Variants in NKAIN2 observed in about 807,000 individuals in gnomAD.
NKAIN2 encodes the protein sodium/potassium-transporting ATPase subunit beta-1-interacting protein 2.
Under a neutral mutation model 32.6 loss-of-function variants are expected in NKAIN2, and 14 were observed. The observed-to-expected ratio is 0.43, with a 90% CI of 0.28 to 0.67. The LOEUF (loss-of-function observed/expected upper bound fraction) is 0.67, where lower values mean the gene tolerates loss of function less well. Among genes scored for constraint, NKAIN2 ranks in the 30% least tolerant of loss-of-function variants. The probability of loss-of-function intolerance (pLI) is 0.17; values close to 1 mark genes in which losing one functional copy is unlikely to be tolerated. For missense variants in NKAIN2, 198 were observed against 258.3 expected (o/e 0.77, Z 1.60); for synonymous variants, 80 against 87.2 (o/e 0.92, Z 0.46).
intron 4 of NKAIN2, among the ~76,000 whole-genome samples, chr6:124,735,045 T>G (rs1776869178): frequency 6.6e-6 from 1 of 151,938 alleles, no homozygotes; most frequent in South Asian, 2.1e-4. Flanking sequence ...ACACTCACTG[T>G]TTTTTGATTT....
At chr6:124,482,873 G>A (rs912597599) in intron 3 of NKAIN2, among the ~76,000 whole-genome samples, 11 of 152,296 alleles carry the variant, frequency 7.2e-5, no homozygotes, top group African/African-American at 1.2e-4. Context: ...GGTGGCTCAC[G>A]CCTGTAATCC....
intron 1 of NKAIN2, among the ~76,000 whole-genome samples, chr6:123,840,686 T>C (rs1774832921): frequency 6.6e-6 from 1 of 152,070 alleles, no homozygotes; most frequent in African/African-American, 2.4e-5. Flanking sequence ...CTTAGAAAAA[T>C]GAAAATGCAT....
At chr6:124,168,138 G>A (rs1788665816) in intron 1 of NKAIN2, among the ~76,000 whole-genome samples, 1 of 152,010 alleles carries the variant, frequency 6.6e-6, no homozygotes, top group Non-Finnish European at 1.5e-5. Flanking sequence ...TTGCAAATTG[G>A]ACATTTAATT....
At position 124,033,122 on chromosome 6, in the gene NKAIN2, G is replaced by A. The variant is rs374890273; in HGVS notation, c.54+228868G>A. Among the ~76,000 whole-genome samples the A allele has an allele frequency of 4.1e-3, 629 of 152,048 alleles. 2 individuals carry two copies. The highest frequency in any genetic ancestry group is 0.015 in the African/African-American group (609 of 41,510). On this transcript the variant is annotated intron_variant, in intron 1 of 6. Transcript: ENST00000368417. ...TAGCCAAAATGTAGAGAAAAGAGAG[G>A]CAAATGATTCACAATATAAAAAGTT...
At chr6:124,225,709 A>T (rs980956048) in intron 1 of NKAIN2, among the ~76,000 whole-genome samples, 3 of 152,062 alleles carry the variant, frequency 2.0e-5, no homozygotes, top group African/African-American at 7.2e-5. Flanking sequence ...ATTTTCAAAT[A>T]TGTATAATAT....
chr6:124,415,517 C>T (rs1774424550), intron 3 of NKAIN2, among the ~76,000 whole-genome samples: 1 of 152,184 alleles, frequency 6.6e-6, no homozygotes, highest in Non-Finnish European at 1.5e-5. Context: ...TGAATCCTGT[C>T]CTTCTGTGTT....
chr6:124,283,972 C>T (rs866171458), intron 2 of NKAIN2, among the ~76,000 whole-genome samples: 1 of 152,114 alleles, frequency 6.6e-6, no homozygotes, highest in African/African-American at 2.4e-5. Flanking sequence ...AACCAGCAGC[C>T]CTTCTCATGT....
rs996514369 is a variant in NKAIN2, at chr6:124,709,851, G to A, written c.474+51465G>A. Reference sequence around the variant, plus strand: ...TTCCTTCAGTTCTGCTCTGATTTTAGTTATTTCTTGCCTTCTGCTAGCTTT... The same window carrying A: ...TTCCTTCAGTTCTGCTCTGATTTTAATTATTTCTTGCCTTCTGCTAGCTTT... On this transcript the variant is annotated intron_variant, in intron 4 of 6. Transcript: ENST00000368417. Among the ~76,000 whole-genome samples, 9 of 151,452 alleles carry A rather than the reference G, an allele frequency of 5.9e-5. No individual in the cohort carries two copies. In the East Asian group the frequency reaches 1.4e-3, roughly 23 times the overall value.
chr6:124,128,344 A>G (rs1258144048), intron 1 of NKAIN2, among the ~76,000 whole-genome samples: 2 of 152,214 alleles, frequency 1.3e-5, no homozygotes, highest in Admixed American at 1.3e-4. Flanking sequence ...TCCAACTGAG[A>G]AGCGAAGCAT....
chr6:123,925,586 A>G (rs994938769), intron 1 of NKAIN2, among the ~76,000 whole-genome samples: 12 of 152,258 alleles, frequency 7.9e-5, no homozygotes, highest in Middle Eastern at 3.4e-3. Context: ...TCTGTAATTT[A>G]AAAAAACAGT....
rs530214320 is a variant in NKAIN2 at position 124,192,906 on chromosome 6, C to T, written c.55-90099C>T. On this transcript the variant is annotated intron_variant, in intron 1 of 6. Coordinates refer to ENST00000368417, the MANE Select transcript of NKAIN2 (RefSeq NM_001040214.3). ...CTGGGACTACAGGCGCCCGCCACCG[C>T]GCGCAGCTACTTTTTTGTATTTTTA... Among the ~76,000 whole-genome samples, 19 of 152,050 alleles carry T rather than the reference C, an allele frequency of 1.2e-4. No individual in the cohort carries two copies. In the East Asian group the frequency reaches 1.4e-3, roughly 11 times the overall value.
Position 124,109,658 on chromosome 6 carries a change from G to A in NKAIN2, c.55-173347G>A, listed in dbSNP as rs540194635. Among the ~76,000 whole-genome samples the A allele has an allele frequency of 3.4e-4, 52 of 152,202 alleles. 1 individual carries two copies. The South Asian group carries it at 0.011, about 32-fold the overall frequency. ...TTCTAGTAATATTCTGAAAGAAGTG[G>A]TGAGAGTGGCATTCTTGCCTCATTC... On this transcript the variant is annotated intron_variant, in intron 1 of 6. Transcript: ENST00000368417.
chr6:124,552,293 G>C (rs1780317884), intron 3 of NKAIN2, among the ~76,000 whole-genome samples: 1 of 152,196 alleles, frequency 6.6e-6, no homozygotes, highest in Non-Finnish European at 1.5e-5. Flanking sequence ...GGCAGGGATA[G>C]AAGATGGCTT....
At chr6:123,849,496 G>T (rs769121425) in intron 1 of NKAIN2, among the ~76,000 whole-genome samples, 1 of 152,172 alleles carries the variant, frequency 6.6e-6, no homozygotes, top group Non-Finnish European at 1.5e-5. Context: ...AAGCCAGGGG[G>T]ATAGAGTCTT....
At chr6:124,087,392 C>T (rs956453358) in intron 1 of NKAIN2, among the ~76,000 whole-genome samples, 1 of 151,858 alleles carries the variant, frequency 6.6e-6, no homozygotes, top group African/African-American at 2.4e-5. Context: ...CTCACCATCT[C>T]TTTTCAATAC....
At chr6:124,282,689 G>A (rs1056609233) in intron 1 of NKAIN2, among the ~76,000 whole-genome samples, 2 of 152,178 alleles carry the variant, frequency 1.3e-5, no homozygotes, top group African/African-American at 4.8e-5. Flanking sequence ...GCTGGTTGAT[G>A]ACTTCAAATG....
chr6:124,312,114 T>G (rs1796743689), intron 2 of NKAIN2, among the ~76,000 whole-genome samples: 1 of 152,122 alleles, frequency 6.6e-6, no homozygotes, highest in African/African-American at 2.4e-5. Context: ...TTAGCATCGC[T>G]TTCTCTTTTT....
intron 1 of NKAIN2, among the ~76,000 whole-genome samples, chr6:124,242,844 C>G (rs112790968): frequency 3.4e-5 from 5 of 148,876 alleles, no homozygotes; most frequent in African/African-American, 5.0e-5. Flanking sequence ...ACAATGAGAA[C>G]GCATGGACAC....
chr6:124,487,060 G>A (rs1777681026), intron 3 of NKAIN2, among the ~76,000 whole-genome samples: 1 of 152,054 alleles, frequency 6.6e-6, no homozygotes, highest in Non-Finnish European at 1.5e-5. Context: ...GGGAAGTTAA[G>A]GATGTTAAAT....
Sources: allele counts gnomAD v4.1 joint callset (sites outside exome capture counted in the v4.1 genomes callset), GRCh38; gene constraint gnomAD v4.1.1; transcripts MANE v1.5; gene names NCBI Gene and HGNC (gene_info 2026-07-23, HGNC 2026-07-21).